XKR6: variants seen among roughly 807,000 people sequenced by gnomAD.
The protein encoded by XKR6 is XK-related protein 6.
Under a neutral mutation model 56.7 loss-of-function variants are expected in XKR6, and 22 were observed. The observed-to-expected ratio is 0.39, with a 90% CI of 0.28 to 0.55. The LOEUF is 0.55. Among genes scored for constraint, XKR6 ranks in the 20% least tolerant of loss-of-function variants. XKR6 has a pLI of 0.66. For synonymous variants in XKR6, 524 were observed against 387.8 expected (o/e 1.35, Z -4.13); for missense variants, 852 against 889.0 (o/e 0.96, Z 0.53).
intron 1 of XKR6, among the ~76,000 whole-genome samples, chr8:11,014,129 A>C (rs1798560154): frequency 6.6e-6 from 1 of 152,212 alleles, no homozygotes; most frequent in Non-Finnish European, 1.5e-5. Context: ...ACAGCCAGTA[A>C]ATACTCTGGT....
At chr8:10,938,143 G>A (rs935262275) in intron 1 of XKR6, among the ~76,000 whole-genome samples, 4 of 152,152 alleles carry the variant, frequency 2.6e-5, no homozygotes, top group Non-Finnish European at 4.4e-5. Context: ...CGCAATATTC[G>A]GGTGGGAGTG....
intron 2 of XKR6, among the ~76,000 whole-genome samples, chr8:10,920,850 C>G (rs751089585): frequency 6.6e-6 from 1 of 152,248 alleles, no homozygotes; most frequent in African/African-American, 2.4e-5. Flanking sequence ...TTTAGTCCAA[C>G]AGGTCCCAAA....
At chr8:11,162,951 T>C (rs7840926) in intron 1 of XKR6, among the ~76,000 whole-genome samples, 10,219 of 152,306 alleles carry the variant, frequency 0.067, 815 homozygotes, top group African/African-American at 0.19. Flanking sequence ...GTCTAGCTAA[T>C]CGTTTTGGAC....
At chr8:11,105,475 G>A (rs945236173) in intron 1 of XKR6, 4 of 152,144 alleles carry the variant, frequency 2.6e-5, no homozygotes, top group African/African-American at 9.7e-5. Context: ...AGGTCTGCAG[G>A]ACACACCGAC....
At chr8:10,914,015 C>A (rs1800484618) in intron 2 of XKR6, among the ~76,000 whole-genome samples, 1 of 152,176 alleles carries the variant, frequency 6.6e-6, no homozygotes, top group African/African-American at 2.4e-5. Flanking sequence ...AGGTCCGGGC[C>A]CAAATCTTGC....
At chr8:11,127,418 C>A (rs1799863993) in intron 1 of XKR6, among the ~76,000 whole-genome samples, 1 of 152,216 alleles carries the variant, frequency 6.6e-6, no homozygotes, top group African/African-American at 2.4e-5. Context: ...ATTACAATTA[C>A]ACTTACCAGT....
At chr8:11,138,727 A>C (rs1323036711) in intron 1 of XKR6, 19 of 152,210 alleles carry the variant, frequency 1.2e-4, no homozygotes, top group Admixed American at 1.2e-3. Flanking sequence ...CAGGTTGATG[A>C]AAATGGGGAG....
chr8:11,105,982 T>G (rs1484580051), intron 1 of XKR6: 2 of 152,228 alleles, frequency 1.3e-5, no homozygotes, highest in African/African-American at 4.8e-5. Context: ...TTAGGCCACT[T>G]AATTTTTATT....
intron 1 of XKR6, among the ~76,000 whole-genome samples, chr8:10,999,792 C>G (rs1798198052): frequency 6.6e-6 from 1 of 152,118 alleles, no homozygotes; most frequent in East Asian, 1.9e-4. Context: ...ATGCAGGTGA[C>G]TCGGGACAGC....
intron 1 of XKR6, among the ~76,000 whole-genome samples, chr8:11,104,235 A>G (rs1484529090): frequency 6.6e-6 from 1 of 152,262 alleles, no homozygotes; most frequent in Admixed American, 6.5e-5. Context: ...AAAAGGACAC[A>G]CTTTGGAGAA....
At chr8:10,920,657 A>G (rs1225968666) in intron 2 of XKR6, among the ~76,000 whole-genome samples, 1 of 152,114 alleles carries the variant, frequency 6.6e-6, no homozygotes, top group Non-Finnish European at 1.5e-5. Flanking sequence ...GCATAACAAA[A>G]TTGTCTCGTG....
intron 1 of XKR6, chr8:11,195,080 A>T: frequency 1.4e-6 from 1 of 699,516 alleles, no homozygotes; most frequent in South Asian, 1.5e-5. Flanking sequence ...GTCTCAATTT[A>T]ACCCACTTAC....
chr8:11,138,163 A>G (rs190963485), intron 1 of XKR6: 1 of 159,626 alleles, frequency 6.3e-6, no homozygotes, highest in East Asian at 1.9e-4. Context: ...AAGATATTAT[A>G]AATGCAAAGA....
chr8:11,198,262 T>C (rs184608872), intron 1 of XKR6, among the ~76,000 whole-genome samples: 1 of 152,300 alleles, frequency 6.6e-6, no homozygotes, highest in African/African-American at 2.4e-5. Context: ...GCAGACCATG[T>C]TCCTGCAGTA....
intron 1 of XKR6, among the ~76,000 whole-genome samples, chr8:10,952,600 C>T (rs1008785097): frequency 1.3e-5 from 2 of 152,200 alleles, no homozygotes; most frequent in African/African-American, 2.4e-5. Flanking sequence ...ACCACAGACA[C>T]GTGCCACCAT....
At chr8:11,016,518 C>T (rs1039807784) in intron 1 of XKR6, among the ~76,000 whole-genome samples, 6 of 152,222 alleles carry the variant, frequency 3.9e-5, no homozygotes, top group Non-Finnish European at 5.9e-5. Context: ...CCTTCGCCCA[C>T]GCCTTCCCTC....
chr8:10,962,005 G>A (rs1563314174), intron 1 of XKR6, among the ~76,000 whole-genome samples: 2 of 152,030 alleles, frequency 1.3e-5, no homozygotes, highest in Non-Finnish European at 1.5e-5. Flanking sequence ...TTTTATTTGG[G>A]GGAAGGGCAT....
At chr8:11,161,630 T>C (rs961104830) in intron 1 of XKR6, among the ~76,000 whole-genome samples, 3 of 152,266 alleles carry the variant, frequency 2.0e-5, no homozygotes, top group African/African-American at 7.2e-5. Context: ...CTTTCTCATA[T>C]ACTGTAAACA....
chr8:10,980,548 A>G (rs1432212815), intron 1 of XKR6, among the ~76,000 whole-genome samples: 1 of 152,174 alleles, frequency 6.6e-6, no homozygotes, highest in Admixed American at 6.5e-5. Flanking sequence ...TGTTGTATGG[A>G]TTATGATTGA....
Sources: gnomAD v4.1 joint callset for allele counts (sites outside exome capture counted in the v4.1 genomes callset) on GRCh38, gnomAD v4.1.1 for gene constraint, MANE v1.5 for transcripts, NCBI Gene and HGNC (gene_info 2026-07-23, HGNC 2026-07-21) for gene names.